The following DYTN variants were observed in gnomAD, a reference collection of about 807,000 sequenced individuals.
The protein encoded by DYTN is dystrotelin.
A neutral mutation model predicts 69.6 loss-of-function variants in DYTN; 75 were observed. That is an observed-to-expected ratio of 1.08 (90% CI 0.89 to 1.31). DYTN has a LOEUF of 1.31. DYTN is among the 50% of genes most tolerant of loss of function. The probability of loss-of-function intolerance (pLI) is 0.00; values close to 1 mark genes in which losing one functional copy is unlikely to be tolerated. For synonymous variants in DYTN, 252 were observed against 249.1 expected, an observed-to-expected ratio of 1.01 and a Z score of -0.11; for missense variants, 726 against 688.4, an observed-to-expected ratio of 1.05 and a Z score of -0.61.
intron 9 of DYTN, chr2:206,686,818 A>G (rs1699814769): frequency 6.6e-6 from 1 of 152,316 alleles, no homozygotes; most frequent in Admixed American, 6.5e-5. Context: ...CTGCACGATG[A>G]CACAATTCAT....
rs1418672903 is a variant in DYTN at position 206,682,807 on chromosome 2, T to C, written c.980+10368A>G. Among the ~76,000 whole-genome samples the C allele has an allele frequency of 2.6e-5, 4 of 152,286 alleles. No homozygotes were observed. The East Asian group carries it at 7.7e-4, about 29-fold the overall frequency. ...CCTGATTTCCTCCACAAACCTTCTC[T>C]ACCTGTAGCCTCCCCATCTCGGTTG... On this transcript the variant is annotated intron_variant, in intron 9 of 11. Transcript: ENST00000452335.
intron 7 of DYTN, among the ~76,000 whole-genome samples, chr2:206,697,158 T>A (rs773747734): frequency 1.3e-5 from 2 of 152,220 alleles, no homozygotes; most frequent in Non-Finnish European, 2.9e-5. Flanking sequence ...TTATTTAGGA[T>A]AATATGCTGC....
At chr2:206,668,763 C>T (rs922032776) in intron 9 of DYTN, among the ~76,000 whole-genome samples, 2 of 152,134 alleles carry the variant, frequency 1.3e-5, no homozygotes, top group African/African-American at 4.8e-5. Flanking sequence ...CCCATAATCC[C>T]CACGTGTCAA....
At chr2:206,709,296 A>T (rs2105901992) in intron 2 of DYTN, among the ~76,000 whole-genome samples, 1 of 152,124 alleles carries the variant, frequency 6.6e-6, no homozygotes, top group East Asian at 1.9e-4. Flanking sequence ...AAAAATACAA[A>T]AAATTGGCAG....
At chr2:206,702,146 C>T (rs1044539732) in intron 5 of DYTN, among the ~76,000 whole-genome samples, 1 of 152,222 alleles carries the variant, frequency 6.6e-6, no homozygotes, top group African/African-American at 2.4e-5. Flanking sequence ...GCCACAGTCA[C>T]CATAAGGCGT....
At chr2:206,679,302 A>G (rs1382188195) in intron 9 of DYTN, 2 of 152,248 alleles carry the variant, frequency 1.3e-5, no homozygotes, top group Non-Finnish European at 2.9e-5. Flanking sequence ...GCAATAAAGC[A>G]GGCCAACTTT....
intron 1 of DYTN, among the ~76,000 whole-genome samples, chr2:206,711,847 T>C (rs943178498): frequency 6.6e-6 from 1 of 152,092 alleles, no homozygotes; most frequent in Non-Finnish European, 1.5e-5. Context: ...TTAAATTTTT[T>C]CCATTGATGC....
At chr2:206,710,939 A>G (rs1396365214) in intron 1 of DYTN, among the ~76,000 whole-genome samples, 4 of 152,260 alleles carry the variant, frequency 2.6e-5, no homozygotes, top group South Asian at 2.1e-4. Flanking sequence ...TATTCTAGTT[A>G]TATGTGGACA....
intron 9 of DYTN, among the ~76,000 whole-genome samples, chr2:206,687,933 G>T (rs1282874664): frequency 6.6e-6 from 1 of 152,058 alleles, no homozygotes; most frequent in African/African-American, 2.4e-5. Flanking sequence ...AGATATTAAT[G>T]TCTCTCACTA....
intron 9 of DYTN, among the ~76,000 whole-genome samples, chr2:206,681,423 G>A (rs1699748742): frequency 6.6e-6 from 1 of 152,178 alleles, no homozygotes; most frequent in Non-Finnish European, 1.5e-5. Context: ...GAATAGGAGT[G>A]ATAAGAGAGG....
chr2:206,651,974 A>C (rs2105884534), intron 11 of DYTN, 53 bp from the exon 12 acceptor site: 1,452 of 1,497,910 alleles, frequency 9.7e-4, no homozygotes, highest in Non-Finnish European at 1.2e-3. Context: ...GTAGCTTCTC[A>C]TGAAGATATT....
intron 11 of DYTN, among the ~76,000 whole-genome samples, chr2:206,659,997 AGATGTG>A (rs371706828): frequency 0.29 from 43,389 of 151,908 alleles, 6,276 homozygotes; most frequent in Non-Finnish European, 0.3. Context: ...CAAAGTATAA[AGATGTG>A]TACTTTTTTT....
intron 9 of DYTN, chr2:206,687,451 A>G (rs1428130033): frequency 6.6e-6 from 1 of 152,132 alleles, no homozygotes; most frequent in Non-Finnish European, 1.5e-5. Context: ...TAATAGCATC[A>G]TTTATCTTAT....
rs1453426415 is a variant in DYTN, at chr2:206,705,804, A to C, written c.366T>G (p.Pro122=). 1 of 1,613,716 alleles carries C rather than the reference A, an allele frequency of 6.2e-7. No homozygotes were observed. Among genetic ancestry groups the C allele is most frequent in the African/African-American group, 1.3e-5 (1 of 74,928 alleles). ...GCATGTTACCTCGGTATTTTGAAAG[A>C]GGGCTGTCTCCTGAGAGGGTTATTA... ...AALITLSGDS[P]LSKYRALFQL... Residue 122 remains proline, a synonymous_variant, in exon 4 of 12, where the codon CCT becomes CCG. Transcript: ENST00000452335.
At chr2:206,711,359 G>A (rs1290303629) in intron 1 of DYTN, among the ~76,000 whole-genome samples, 1 of 152,164 alleles carries the variant, frequency 6.6e-6, no homozygotes, top group African/African-American at 2.4e-5. Context: ...TCACAGTGTA[G>A]AGGAGAGGAG....
intron 9 of DYTN, among the ~76,000 whole-genome samples, chr2:206,667,371 G>A (rs1173908908): frequency 6.6e-6 from 1 of 152,118 alleles, no homozygotes; most frequent in Admixed American, 6.6e-5. Flanking sequence ...CCAGCTCATT[G>A]CTCAGTTCCC....
chr2:206,683,151 A>G (rs1304865621), intron 9 of DYTN, among the ~76,000 whole-genome samples: 1 of 152,128 alleles, frequency 6.6e-6, no homozygotes, highest in South Asian at 2.1e-4. Flanking sequence ...GAAAATGTTT[A>G]TATAACCTTG....
chr2:206,707,596 G>A, intron 2 of DYTN, 93 bp from the exon 3 acceptor site: 1 of 1,255,440 alleles, frequency 8.0e-7, no homozygotes, highest in Non-Finnish European at 1.1e-6. Flanking sequence ...TTATAATTAA[G>A]ACTTTTTATG....
chr2:206,679,410 C>T (rs1348662257), intron 9 of DYTN, among the ~76,000 whole-genome samples: 1 of 152,116 alleles, frequency 6.6e-6, no homozygotes, highest in Non-Finnish European at 1.5e-5. Flanking sequence ...ACAATCTAGA[C>T]ATGAGAATGC....
Sources: allele counts gnomAD v4.1 joint callset (sites outside exome capture counted in the v4.1 genomes callset), GRCh38; gene constraint gnomAD v4.1.1; transcripts MANE v1.5; gene names NCBI Gene and HGNC (gene_info 2026-07-23, HGNC 2026-07-21).